The following CNKSR2 variants were observed in gnomAD, a reference collection of about 807,000 sequenced individuals.
The protein encoded by CNKSR2 is connector enhancer of kinase suppressor of Ras 2.
Under a neutral mutation model 84.4 loss-of-function variants are expected in CNKSR2, and 14 were observed. The ratio of observed to expected loss-of-function variants is 0.17; its 90% CI spans 0.11 to 0.26. The LOEUF is 0.26. Ranked by LOEUF, CNKSR2 falls within the 10% of genes least tolerant of loss-of-function variation. The pLI, the probability that CNKSR2 is intolerant of heterozygous loss-of-function variation, is 1.00. For synonymous variants in CNKSR2, 275 were observed against 277.9 expected (o/e 0.99, Z 0.10); for missense variants, 485 against 771.2 (o/e 0.63, Z 4.40).
intron 13 of CNKSR2, among the ~76,000 whole-genome samples, chrX:21,581,752 G>C (rs1465534642): frequency 8.9e-6 from 1 of 112,130 alleles, no homozygotes; most frequent in African/African-American, 3.2e-5. Flanking sequence ...ACAGATAATT[G>C]TATGTCGCAT....
intron 1 of CNKSR2, among the ~76,000 whole-genome samples, chrX:21,403,060 G>A (rs1412378323): frequency 2.7e-5 from 3 of 111,159 alleles, no homozygotes; most frequent in African/African-American, 9.8e-5. Flanking sequence ...CCTCCAAGTG[G>A]ATTAGGTATC....
At chrX:21,493,705 G>A (rs2091464782) in intron 6 of CNKSR2, 1 of 111,240 alleles carries the variant, frequency 9.0e-6, no homozygotes. Context: ...GTATTTCTCT[G>A]GACCCTTTCT....
intron 20 of CNKSR2, among the ~76,000 whole-genome samples, chrX:21,625,183 G>A (rs2092617909): frequency 8.9e-6 from 1 of 112,282 alleles, no homozygotes. Flanking sequence ...AACTATTTGG[G>A]TAAAATTTGG....
intron 17 of CNKSR2, among the ~76,000 whole-genome samples, chrX:21,600,124 A>G (rs976693450): frequency 8.9e-6 from 1 of 112,127 alleles, no homozygotes; most frequent in Admixed American, 9.5e-5. Flanking sequence ...ATTAAAGCTT[A>G]AATTTCCATA....
intron 1 of CNKSR2, among the ~76,000 whole-genome samples, chrX:21,380,605 C>T (rs1404595628): frequency 2.7e-5 from 3 of 109,813 alleles, no homozygotes; most frequent in Non-Finnish European, 5.7e-5. Flanking sequence ...CACCACCACC[C>T]CTGGCTAATT....
At chrX:21,580,413 CGTA>C (rs2092346358) in intron 13 of CNKSR2, among the ~76,000 whole-genome samples, 1 of 111,138 alleles carries the variant, frequency 9.0e-6, no homozygotes. Context: ...TTAACAGAAA[CGTA>C]GTATTAATAT....
At chrX:21,557,036 G>A (rs753678550) in intron 11 of CNKSR2, among the ~76,000 whole-genome samples, 2 of 109,817 alleles carry the variant, frequency 1.8e-5, no homozygotes, top group South Asian at 7.8e-4. Context: ...TCTCCCTAAT[G>A]TCACAATACA....
chrX:21,474,368 A>G (rs2091237991), intron 5 of CNKSR2, among the ~76,000 whole-genome samples: 1 of 111,834 alleles, frequency 8.9e-6, no homozygotes, highest in African/African-American at 3.3e-5. Context: ...AGGAGAATCA[A>G]TATGGGTTCT....
intron 1 of CNKSR2, among the ~76,000 whole-genome samples, chrX:21,382,190 A>G (rs1367704506): frequency 8.9e-6 from 1 of 111,984 alleles, no homozygotes; most frequent in Admixed American, 9.5e-5. Context: ...GCCAACTTGT[A>G]TATTGTGTGC....
At chrX:21,563,986 T>C (rs2092216218) in intron 13 of CNKSR2, among the ~76,000 whole-genome samples, 1 of 110,647 alleles carries the variant, frequency 9.0e-6, no homozygotes, top group Non-Finnish European at 1.9e-5. Flanking sequence ...AGAGCCTTAG[T>C]CTTTAGGGGA....
intron 5 of CNKSR2, among the ~76,000 whole-genome samples, chrX:21,474,866 A>G (rs957379182): frequency 5.3e-5 from 6 of 112,377 alleles, no homozygotes; most frequent in African/African-American, 1.9e-4. Context: ...CAGTGTATTT[A>G]TAGTGAAGAA....
chrX:21,466,590 T>TTTTTTTTG (rs1232763783), intron 4 of CNKSR2, among the ~76,000 whole-genome samples: 1 of 111,073 alleles, frequency 9.0e-6, no homozygotes, highest in Non-Finnish European at 1.9e-5. Context: ...TTTGTTGTTC[T>TTTTTTTTG]TTTTTTTGTT....
intron 7 of CNKSR2, among the ~76,000 whole-genome samples, chrX:21,500,448 T>C: frequency 9.0e-6 from 1 of 111,319 alleles, no homozygotes; most frequent in Non-Finnish European, 1.9e-5. Flanking sequence ...TCTTTAGCTT[T>C]CAGTAGATAA....
chrX:21,527,073 C>G (rs2091842551), intron 10 of CNKSR2, 73 bp downstream of exon 10: 2 of 939,044 alleles, frequency 2.1e-6, no homozygotes, highest in East Asian at 6.4e-5. Flanking sequence ...ACTGCAAAGT[C>G]AATTCTGAAG....
chrX:21,414,092 A>G (rs934777357), intron 1 of CNKSR2, among the ~76,000 whole-genome samples: 17 of 111,723 alleles, frequency 1.5e-4, no homozygotes, highest in African/African-American at 5.2e-4. Context: ...ACCCAGCAGT[A>G]GGATTGCTGG....
chrX:21,584,814 T>G (rs1033729436), intron 13 of CNKSR2, among the ~76,000 whole-genome samples: 1 of 111,159 alleles, frequency 9.0e-6, no homozygotes, highest in African/African-American at 3.3e-5. Flanking sequence ...GACCAGATCA[T>G]GTAGGGCCTT....
At chrX:21,479,830 G>T (rs898773003) in intron 5 of CNKSR2, among the ~76,000 whole-genome samples, 4 of 109,828 alleles carry the variant, frequency 3.6e-5, no homozygotes, top group Non-Finnish European at 5.7e-5. Context: ...GAGTTAGGAT[G>T]ATGCTGTGAG....
At chrX:21,406,367 T>C (rs1368134424) in intron 1 of CNKSR2, among the ~76,000 whole-genome samples, 1 of 111,418 alleles carries the variant, frequency 9.0e-6, no homozygotes, top group Non-Finnish European at 1.9e-5. Flanking sequence ...GGATGAGTTT[T>C]CATCTTTTAT....
chrX:21,503,567 C>A (rs1422590226), intron 8 of CNKSR2: 1 of 210,229 alleles, frequency 4.8e-6, no homozygotes, highest in Non-Finnish European at 8.6e-6. Context: ...CATGTTCTTA[C>A]TTCAATTTTA....
Sources: allele counts gnomAD v4.1 joint callset (sites outside exome capture counted in the v4.1 genomes callset), GRCh38; gene constraint gnomAD v4.1.1; transcripts MANE v1.5; gene names NCBI Gene and HGNC (gene_info 2026-07-23, HGNC 2026-07-21).